Variants in FBXW7 observed in about 807,000 individuals in gnomAD.
The protein encoded by FBXW7 is F-box and WD repeat domain containing 7, also known as F-box/WD repeat-containing protein 7.
A neutral mutation model predicts 86.3 loss-of-function variants in FBXW7; 11 were observed. The ratio of observed to expected loss-of-function variants is 0.13; its 90% confidence interval spans 0.08 to 0.21. FBXW7 has a LOEUF of 0.21. Among genes scored for constraint, FBXW7 ranks in the 10% least tolerant of loss-of-function variants. FBXW7 has a pLI of 1.00. For synonymous variants in FBXW7, 313 were observed against 297.9 expected, an observed-to-expected ratio of 1.05 and a Z score of -0.52; for missense variants, 488 against 847.4, an observed-to-expected ratio of 0.58 and a Z score of 5.27.
intron 2 of FBXW7, among the ~76,000 whole-genome samples, chr4:152,459,437 T>C (rs1440769322): frequency 6.6e-6 from 1 of 152,224 alleles, no homozygotes; most frequent in African/African-American, 2.4e-5. Flanking sequence ...AGCCATACTG[T>C]TGTATGTATA....
intron 4 of FBXW7, among the ~76,000 whole-genome samples, chr4:152,384,035 G>T (rs1259277338): frequency 6.6e-6 from 1 of 152,148 alleles, no homozygotes; most frequent in Non-Finnish European, 1.5e-5. Flanking sequence ...ACAAGCATGG[G>T]CTAGGATGTG....
intron 2 of FBXW7, among the ~76,000 whole-genome samples, chr4:152,459,121 ACTGT>A (rs1314527630): frequency 6.6e-6 from 1 of 152,170 alleles, no homozygotes; most frequent in Non-Finnish European, 1.5e-5. Context: ...GGTGTTCTCT[ACTGT>A]CTAAGTTACT....
chr4:152,459,176 T>G (rs957848928), intron 2 of FBXW7, among the ~76,000 whole-genome samples: 1 of 152,208 alleles, frequency 6.6e-6, no homozygotes, highest in Non-Finnish European at 1.5e-5. Context: ...AACTGCAGCA[T>G]GACTTTACTA....
Position 152,321,945 on chromosome 4 carries a change from G to GC in FBXW7, c.*935dup. On this transcript the variant is annotated 3_prime_UTR_variant, in exon 14 of 14. Coordinates refer to ENST00000281708, the MANE Select transcript of FBXW7 (RefSeq NM_001349798.2). ...CTCTTCCATTCTCAGCCTCTTAGAG[G>GC]CACAGATGGCTCAAGTTTCAGTGGC... The GC allele has an allele frequency of 4.3e-6, 1 of 232,796 alleles. No homozygotes were observed. Among genetic ancestry groups the GC allele is most frequent in the Non-Finnish European group, 8.5e-6 (1 of 117,612 alleles). The allele number at this position is 232,796 out of a possible 1,614,324, so 14.4% of individuals were successfully genotyped here.
chr4:152,526,908 A>C (rs1212275988), intron 2 of FBXW7, among the ~76,000 whole-genome samples: 2 of 152,260 alleles, frequency 1.3e-5, no homozygotes, highest in Non-Finnish European at 2.9e-5. Flanking sequence ...TAAAATGTTA[A>C]TGAAGTTTTA....
At chr4:152,505,021 A>C (rs527709916) in intron 2 of FBXW7, among the ~76,000 whole-genome samples, 2 of 152,352 alleles carry the variant, frequency 1.3e-5, no homozygotes, top group South Asian at 2.1e-4. Flanking sequence ...CTTTGTGTGA[A>C]TATTACACAG....
chr4:152,374,178 C>G (rs1266323471), intron 4 of FBXW7, among the ~76,000 whole-genome samples: 2 of 151,864 alleles, frequency 1.3e-5, no homozygotes, highest in Non-Finnish European at 2.9e-5. Context: ...AAAAAAACCC[C>G]ACCACAAAAC....
At chr4:152,353,246 C>T (rs563528783) in intron 4 of FBXW7, among the ~76,000 whole-genome samples, 1 of 152,250 alleles carries the variant, frequency 6.6e-6, no homozygotes, top group Non-Finnish European at 1.5e-5. Context: ...TTTCAAGTAG[C>T]TTGGATGGTA....
intron 2 of FBXW7, among the ~76,000 whole-genome samples, chr4:152,452,509 T>C (rs1440883631): frequency 6.6e-6 from 1 of 152,234 alleles, no homozygotes; most frequent in Non-Finnish European, 1.5e-5. Flanking sequence ...TGAGCACAAT[T>C]GTTATCAGCT....
intron 4 of FBXW7, among the ~76,000 whole-genome samples, chr4:152,379,195 A>G (rs1734832605): frequency 6.6e-6 from 1 of 152,136 alleles, no homozygotes; most frequent in Non-Finnish European, 1.5e-5. Context: ...ATATAACATT[A>G]CCATAATTAG....
intron 2 of FBXW7, among the ~76,000 whole-genome samples, chr4:152,475,168 T>C (rs1379258489): frequency 6.6e-6 from 1 of 151,294 alleles, no homozygotes; most frequent in Non-Finnish European, 1.5e-5. Flanking sequence ...AGGCCAAGTG[T>C]GGTGGCTAAT....
intron 4 of FBXW7, among the ~76,000 whole-genome samples, chr4:152,397,989 T>A (rs529589333): frequency 6.6e-6 from 1 of 151,970 alleles, no homozygotes; most frequent in Non-Finnish European, 1.5e-5. Context: ...GCATAGTAAG[T>A]CTGCACATAC....
At chr4:152,475,712 C>G (rs1744334874) in intron 2 of FBXW7, among the ~76,000 whole-genome samples, 1 of 151,976 alleles carries the variant, frequency 6.6e-6, no homozygotes, top group Admixed American at 6.6e-5. Flanking sequence ...TATATATCAG[C>G]AATAAGTTAG....
In FBXW7 at chr4:152,322,715, T is replaced by C. The variant is rs1728653828; in HGVS notation, c.*166A>G. 8.7e-7 allele frequency: 1 copy of C among 1,143,656 alleles called. No homozygotes were observed. The highest frequency in any genetic ancestry group is 1.9e-5 in the South Asian group (1 of 52,824). 70.8% of individuals were successfully genotyped at this position (1,143,656 alleles called of 1,614,324 possible). On this transcript the variant is annotated 3_prime_UTR_variant, in exon 14 of 14. Transcript: ENST00000281708. Reference sequence around the variant, plus strand: ...TTATGGTTTGTCATCTCTTCTTCTTTTCCTTCTTAGTCTGTAGGTCTTTTC... The same window carrying C: ...TTATGGTTTGTCATCTCTTCTTCTTCTCCTTCTTAGTCTGTAGGTCTTTTC...
chr4:152,359,048 T>C (rs1732674076), intron 4 of FBXW7, among the ~76,000 whole-genome samples: 1 of 152,194 alleles, frequency 6.6e-6, no homozygotes, highest in African/African-American at 2.4e-5. Context: ...AAATTACAAG[T>C]AAATCTTGAT....
chr4:152,411,931 T>C (rs1285381625), intron 3 of FBXW7, 59 bp from the exon 4 acceptor site: 2 of 1,372,904 alleles, frequency 1.5e-6, no homozygotes, highest in African/African-American at 2.9e-5. Context: ...TGTTCTACTT[T>C]CATGTTATAT....
chr4:152,349,651 T>G (rs1178875550), intron 5 of FBXW7, among the ~76,000 whole-genome samples: 1 of 151,968 alleles, frequency 6.6e-6, no homozygotes, highest in Non-Finnish European at 1.5e-5. Context: ...GTAATTGTTT[T>G]ACTTCACTGC....
At chr4:152,335,309 C>T (rs75399064) in intron 7 of FBXW7, among the ~76,000 whole-genome samples, 2,074 of 151,936 alleles carry the variant, frequency 0.014, 25 homozygotes, top group Middle Eastern at 0.037. Context: ...ACCCCCACCC[C>T]GCAAAAAAAT....
chr4:152,370,136 A>G (rs1325169507), intron 4 of FBXW7, among the ~76,000 whole-genome samples: 1 of 152,022 alleles, frequency 6.6e-6, no homozygotes, highest in Non-Finnish European at 1.5e-5. Context: ...GTGATAACGC[A>G]GAGATTTCTA....
Sources: allele counts gnomAD v4.1 joint callset (sites outside exome capture counted in the v4.1 genomes callset), GRCh38; gene constraint gnomAD v4.1.1; transcripts MANE v1.5; gene names NCBI Gene and HGNC (gene_info 2026-07-23, HGNC 2026-07-21).